The following PKIB variants were observed in gnomAD, a reference collection of about 807,000 sequenced individuals.
PKIB encodes the protein cAMP-dependent protein kinase inhibitor beta.
In PKIB, 2 loss-of-function variants were observed where a neutral mutation model predicts 4.5. The ratio of observed to expected loss-of-function variants is 0.44; its 90% confidence interval spans 0.18 to 1.39. The LOEUF is 1.39. Ranked by LOEUF, PKIB falls within the 40% of genes most tolerant of loss-of-function variation. PKIB has a pLI of 0.27. For synonymous variants in PKIB, 38 were observed against 36.0 expected (o/e 1.06, Z -0.20); for missense variants, 94 against 92.6 (o/e 1.02, Z -0.06).
rs762424679 is a variant in PKIB at position 122,717,844 on chromosome 6, A to G, written c.50A>G (p.Asn17Ser). 17 of 1,613,882 alleles carry G rather than the reference A, an allele frequency of 1.1e-5. No individual in the cohort carries two copies. The highest frequency in any genetic ancestry group is 4.0e-5 in the African/African-American group (3 of 74,876). The stretch of plus-strand genomic sequence containing the variant: ...ACTGACGTGGAGTCTGGGGTCGCCA[A>G]TTTTGCATCTTCAGCAAGGGCAGGC... ...KMTDVESGVANFASSARAGRR... is the reference protein window; with the variant it reads ...KMTDVESGVASFASSARAGRR... Residue 17 changes from asparagine to serine, a missense_variant, in exon 4 of 5, where the codon AAT becomes AGT. Coordinates refer to ENST00000368452, the MANE Select transcript of PKIB (RefSeq NM_181795.3).
intron 2 of PKIB, among the ~76,000 whole-genome samples, chr6:122,522,275 T>C (rs535104739): frequency 1.3e-5 from 2 of 152,310 alleles, no homozygotes; most frequent in East Asian, 3.9e-4. Context: ...ACTTTTGCAC[T>C]GGCAGTGAGA....
intron 2 of PKIB, among the ~76,000 whole-genome samples, chr6:122,670,493 A>ATGTTTTTGT (rs1491444037): frequency 3.3e-5 from 2 of 60,268 alleles, no homozygotes; most frequent in African/African-American, 1.2e-4. Flanking sequence ...AAGGAATCAC[A>ATGTTTTTGT]TGTTTTTGTT....
intron 2 of PKIB, among the ~76,000 whole-genome samples, chr6:122,521,234 T>C (rs1029981347): frequency 6.6e-6 from 1 of 152,190 alleles, no homozygotes; most frequent in Non-Finnish European, 1.5e-5. Context: ...ATGACCTTTT[T>C]TTGGTGCAAG....
chr6:122,571,176 G>C (rs997238976), intron 2 of PKIB, among the ~76,000 whole-genome samples: 1 of 152,048 alleles, frequency 6.6e-6, no homozygotes, highest in Non-Finnish European at 1.5e-5. Context: ...CAAGGCTTTT[G>C]AATTAACCCA....
intron 3 of PKIB, chr6:122,717,481 C>G: frequency 2.6e-6 from 1 of 391,134 alleles, no homozygotes. Context: ...CCTAGTTTGG[C>G]TGATCCATCC....
In PKIB at chr6:122,483,144, A is replaced by G. The variant is rs1255744518; in HGVS notation, c.-248+5205A>G. 3.3e-5 allele frequency: 5 copies of G among 152,188 alleles called. No homozygotes were observed. The East Asian group carries it at 5.8e-4, about 18-fold the overall frequency. The allele number at this position is 152,188 out of a possible 1,614,324, so 9.4% of individuals were successfully genotyped here. A position where few individuals can be genotyped will look rare whatever the true frequency, so the allele number is the denominator to read the frequency against. On this transcript the variant is annotated intron_variant, in intron 2 of 6. Coordinates refer to the PKIB transcript ENST00000392491. ...TTATTTGTCGAAGTATTACATTTTTAGTAAGTTATCTCTTTTTCTTCTGTA... is the reference window on the plus strand; with the variant it reads ...TTATTTGTCGAAGTATTACATTTTTGGTAAGTTATCTCTTTTTCTTCTGTA...
intron 2 of PKIB, chr6:122,483,481 TAG>T (rs1775683033): frequency 6.6e-6 from 1 of 152,136 alleles, no homozygotes; most frequent in South Asian, 2.1e-4. Flanking sequence ...GTTTTCTGGT[TAG>T]AGTCCTCTAA....
chr6:122,558,468 A>G (rs550688606), intron 2 of PKIB, among the ~76,000 whole-genome samples: 1 of 152,340 alleles, frequency 6.6e-6, no homozygotes, highest in South Asian at 2.1e-4. Context: ...CCCAAGAACT[A>G]TGGCAGCCCA....
At chr6:122,652,298 G>T (rs1323799777) in intron 2 of PKIB, among the ~76,000 whole-genome samples, 1 of 20,688 alleles carries the variant, frequency 4.8e-5, no homozygotes, top group Non-Finnish European at 1.5e-4. Context: ...TGGTTTGTGT[G>T]TGTGTGTGTG....
chr6:122,536,639 G>T (rs1309554767), intron 2 of PKIB, among the ~76,000 whole-genome samples: 1 of 152,014 alleles, frequency 6.6e-6, no homozygotes, highest in Non-Finnish European at 1.5e-5. Flanking sequence ...TGTCCACTTT[G>T]AAATATGTTG....
chr6:122,486,516 C>T (rs1775771729), intron 2 of PKIB, among the ~76,000 whole-genome samples: 1 of 151,860 alleles, frequency 6.6e-6, no homozygotes, highest in Admixed American at 6.6e-5. Context: ...CTCTATGTTC[C>T]AATAGTATCT....
At chr6:122,724,848 T>A (rs1203858087) in intron 4 of PKIB, among the ~76,000 whole-genome samples, 1 of 152,126 alleles carries the variant, frequency 6.6e-6, no homozygotes, top group African/African-American at 2.4e-5. Flanking sequence ...ACAAGTCACT[T>A]TACCTGCTTG....
intron 2 of PKIB, among the ~76,000 whole-genome samples, chr6:122,485,058 T>C (rs1296871356): frequency 6.6e-6 from 1 of 152,180 alleles, no homozygotes; most frequent in African/African-American, 2.4e-5. Context: ...CACTTCCCTT[T>C]TTTTGGCCTA....
At chr6:122,700,152 T>A (rs188410210) in intron 3 of PKIB, among the ~76,000 whole-genome samples, 35 of 132,774 alleles carry the variant, frequency 2.6e-4, no homozygotes, top group Admixed American at 1.6e-3. Flanking sequence ...AAATTGTAGA[T>A]CTTTGTTTTA....
intron 2 of PKIB, among the ~76,000 whole-genome samples, chr6:122,501,166 T>A (rs751697234): frequency 4.6e-5 from 7 of 152,198 alleles, no homozygotes; most frequent in Non-Finnish European, 8.8e-5. Flanking sequence ...CCCTAAAGTC[T>A]TAACTCATTC....
chr6:122,610,300 A>G (rs1339951427), upstream of PKIB: 2 of 152,200 alleles, frequency 1.3e-5, no homozygotes, highest in Non-Finnish European at 2.9e-5. Context: ...AGAGCGGGAC[A>G]CCGCCTGGGG....
chr6:122,576,981 T>C (rs1445847379), intron 2 of PKIB, among the ~76,000 whole-genome samples: 1 of 152,082 alleles, frequency 6.6e-6, no homozygotes, highest in Non-Finnish European at 1.5e-5. Context: ...CTAGCATTCA[T>C]ACATTTCTTC....
intron 2 of PKIB, among the ~76,000 whole-genome samples, chr6:122,557,899 C>T (rs1772893796): frequency 6.6e-6 from 1 of 152,192 alleles, no homozygotes; most frequent in South Asian, 2.1e-4. Context: ...CTGATTTTTA[C>T]AATGTATCCC....
At chr6:122,718,796 A>G (rs1003027536) in intron 4 of PKIB, among the ~76,000 whole-genome samples, 3 of 152,044 alleles carry the variant, frequency 2.0e-5, no homozygotes, top group Non-Finnish European at 4.4e-5. Flanking sequence ...GTTATTTACT[A>G]CCTGGTAAAG....
Sources: gnomAD v4.1 joint callset for allele counts (sites outside exome capture counted in the v4.1 genomes callset) on GRCh38, gnomAD v4.1.1 for gene constraint, MANE v1.5 for transcripts, NCBI Gene and HGNC (gene_info 2026-07-23, HGNC 2026-07-21) for gene names.